CACNB2: variants seen among roughly 807,000 people sequenced by gnomAD.
The protein encoded by CACNB2 is calcium voltage-gated channel auxiliary subunit beta 2.
In CACNB2, 42 loss-of-function variants were observed where a neutral mutation model predicts 73.3. The ratio of observed to expected loss-of-function variants is 0.57; its 90% CI spans 0.45 to 0.74. The LOEUF is 0.74. CACNB2 is among the 30% of genes least tolerant of loss of function. The pLI is 0.00. For synonymous variants in CACNB2, 348 were observed against 310.3 expected (o/e 1.12, Z -1.28); for missense variants, 940 against 853.0 (o/e 1.10, Z -1.27).
At chr10:18,259,519 A>C (rs1171410697) in intron 2 of CACNB2, among the ~76,000 whole-genome samples, 1 of 144,316 alleles carries the variant, frequency 6.9e-6, no homozygotes, top group Non-Finnish European at 1.5e-5. Flanking sequence ...AGCCTGGCCA[A>C]CATGGTGAAA....
chr10:18,171,531 A>AAAAAAAAAAT (rs2033235358), intron 2 of CACNB2, among the ~76,000 whole-genome samples: 2 of 142,186 alleles, frequency 1.4e-5, no homozygotes, highest in African/African-American at 5.7e-5. Flanking sequence ...GAAAAAAAAA[A>AAAAAAAAAAT]AAAAAAAAAA....
chr10:18,430,086 A>G (rs2045809108), intron 3 of CACNB2, among the ~76,000 whole-genome samples: 1 of 151,848 alleles, frequency 6.6e-6, no homozygotes, highest in Admixed American at 6.6e-5. Flanking sequence ...ATAATCTTCT[A>G]TTTATTTTAC....
At chr10:18,441,136 G>A (rs2046389867) in intron 3 of CACNB2, among the ~76,000 whole-genome samples, 1 of 152,228 alleles carries the variant, frequency 6.6e-6, no homozygotes, top group South Asian at 2.1e-4. Flanking sequence ...TGGGTGTGGT[G>A]GCTCACGCCT....
chr10:18,322,713 TA>T (rs1172832982), intron 2 of CACNB2, among the ~76,000 whole-genome samples: 1 of 152,164 alleles, frequency 6.6e-6, no homozygotes, highest in African/African-American at 2.4e-5. Context: ...AACATGACAT[TA>T]AAGGAATAAA....
rs2053797244 is a variant in CACNB2 at position 18,538,206 on chromosome 10, G to C, written c.1329G>C (p.Glu443Asp). Residue 443 changes from glutamate to aspartate, a missense_variant, in exon 13 of 14, where the codon GAG becomes GAC. Transcript: ENST00000324631. Reference protein sequence around the residue: ...PPELFDVILDENQLEDACEHL... With the variant: ...PPELFDVILDDNQLEDACEHL... ...AGCTGTTCGATGTGATCTTGGATGA[G>C]AACCAGCTTGAGGATGCCTGTGAGC... 1 of 1,613,946 alleles carries C rather than the reference G, an allele frequency of 6.2e-7. No individual in the cohort carries two copies.
At chr10:18,323,573 A>G (rs560979874) in intron 2 of CACNB2, among the ~76,000 whole-genome samples, 65 of 152,284 alleles carry the variant, frequency 4.3e-4, no homozygotes, top group African/African-American at 1.5e-3. Flanking sequence ...TGAATAATCA[A>G]AAAAAGATTC....
intron 2 of CACNB2, among the ~76,000 whole-genome samples, chr10:18,178,060 C>T (rs2033695844): frequency 6.6e-6 from 1 of 152,128 alleles, no homozygotes; most frequent in Admixed American, 6.5e-5. Context: ...AGTGGTGTCT[C>T]CTCTCATATC....
intron 6 of CACNB2, among the ~76,000 whole-genome samples, chr10:18,510,480 G>A (rs112938922): frequency 0.052 from 7,836 of 152,076 alleles, 318 homozygotes; most frequent in Non-Finnish European, 0.075. Context: ...TCTTTGTATT[G>A]TTAGTAGAGA....
chr10:18,279,570 G>A (rs1190877164), intron 2 of CACNB2, among the ~76,000 whole-genome samples: 1 of 152,190 alleles, frequency 6.6e-6, no homozygotes, highest in African/African-American at 2.4e-5. Context: ...ATACTAAAAT[G>A]ATAAATATAG....
At chr10:18,440,799 C>T (rs551493224) in intron 3 of CACNB2, among the ~76,000 whole-genome samples, 3 of 152,140 alleles carry the variant, frequency 2.0e-5, no homozygotes, top group Non-Finnish European at 2.9e-5. Flanking sequence ...GCCCAGATCC[C>T]AGTGTGTCTG....
chr10:18,232,753 T>A lies in CACNB2; in HGVS notation c.213+81778T>A, dbSNP rs955171475. Among the ~76,000 whole-genome samples, 5 of 152,202 alleles carry A rather than the reference T, an allele frequency of 3.3e-5. No individual in the cohort carries two copies. The South Asian group carries it at 6.2e-4, about 19-fold the overall frequency. On this transcript the variant is annotated intron_variant, in intron 2 of 13. Transcript: ENST00000324631. Reference sequence around the variant, plus strand: ...GTTTTTTAAAATTCTTTTTTGTGTATTCGTTACAAGCATAAGTCCAAATAT... The same window carrying A: ...GTTTTTTAAAATTCTTTTTTGTGTAATCGTTACAAGCATAAGTCCAAATAT...
intron 9 of CACNB2, among the ~76,000 whole-genome samples, chr10:18,519,445 G>A (rs915601596): frequency 3.9e-5 from 6 of 152,068 alleles, no homozygotes; most frequent in Admixed American, 2.6e-4. Flanking sequence ...CTACAACCCC[G>A]CCTGTGGAGT....
intron 2 of CACNB2, among the ~76,000 whole-genome samples, chr10:18,215,816 T>C (rs972602951): frequency 1.3e-5 from 2 of 152,156 alleles, no homozygotes; most frequent in South Asian, 2.1e-4. Context: ...CAAGGCCATG[T>C]TGATGTTTAA....
chr10:18,419,270 G>T (rs1193719641), intron 3 of CACNB2, among the ~76,000 whole-genome samples: 1 of 152,176 alleles, frequency 6.6e-6, no homozygotes, highest in Non-Finnish European at 1.5e-5. Context: ...GCAAAATGGA[G>T]TATAGAAACC....
At chr10:18,308,413 AATAAGC>A (rs2039828949) in intron 2 of CACNB2, among the ~76,000 whole-genome samples, 1 of 152,166 alleles carries the variant, frequency 6.6e-6, no homozygotes, top group South Asian at 2.1e-4. Flanking sequence ...TCATCCACGT[AATAAGC>A]ATAGTGCCCT....
intron 2 of CACNB2, among the ~76,000 whole-genome samples, chr10:18,298,724 G>C (rs988772057): frequency 6.6e-6 from 1 of 152,218 alleles, no homozygotes; most frequent in African/African-American, 2.4e-5. Flanking sequence ...GGACCTTTCA[G>C]AGAAAACATG....
At chr10:18,323,046 T>C (rs901604991) in intron 2 of CACNB2, among the ~76,000 whole-genome samples, 3 of 150,250 alleles carry the variant, frequency 2.0e-5, no homozygotes, top group Admixed American at 6.7e-5. Flanking sequence ...CATTGCTGGC[T>C]TCTCCTCCTG....
chr10:18,358,340 A>C (rs1035968959), intron 2 of CACNB2, among the ~76,000 whole-genome samples: 1 of 152,192 alleles, frequency 6.6e-6, no homozygotes, highest in Non-Finnish European at 1.5e-5. Flanking sequence ...CACCCACCTC[A>C]GACTCCCAGA....
intron 2 of CACNB2, among the ~76,000 whole-genome samples, chr10:18,349,293 ATGT>A (rs1482145329): frequency 1.3e-5 from 2 of 152,162 alleles, no homozygotes; most frequent in Non-Finnish European, 2.9e-5. Context: ...GTTGGTGAAA[ATGT>A]TGTTGAAAGT....
Sources: allele counts gnomAD v4.1 joint callset (sites outside exome capture counted in the v4.1 genomes callset), GRCh38; gene constraint gnomAD v4.1.1; transcripts MANE v1.5; gene names NCBI Gene and HGNC (gene_info 2026-07-23, HGNC 2026-07-21).